COL5A2: variants seen among roughly 807,000 people sequenced by gnomAD.
The protein encoded by COL5A2 is collagen alpha-2(V) chain.
In COL5A2, 23 loss-of-function variants were observed where a neutral mutation model predicts 208.2. The ratio of observed to expected loss-of-function variants is 0.11; its 90% CI spans 0.08 to 0.16. COL5A2 has a LOEUF of 0.16. COL5A2 is among the 10% of genes least tolerant of loss of function. COL5A2 has a pLI of 1.00. For synonymous variants in COL5A2, 625 were observed against 628.5 expected (o/e 0.99, Z 0.08); for missense variants, 1,590 against 1,956.4 (o/e 0.81, Z 3.53).
chr2:189,382,932 G>A, the COL5A2 span, among the ~76,000 whole-genome samples: 1 of 152,142 alleles, frequency 6.6e-6, no homozygotes, highest in African/African-American at 2.4e-5. Flanking sequence ...CACAAGGACA[G>A]GGAGGAATGT....
intron 1 of COL5A2, among the ~76,000 whole-genome samples, chr2:189,196,506 T>C (rs1031273515): frequency 1.2e-4 from 17 of 146,834 alleles, no homozygotes; most frequent in African/African-American, 4.1e-4. Flanking sequence ...TTCCCTCTAT[T>C]TGTATTGCAA....
intron 29 of COL5A2, among the ~76,000 whole-genome samples, chr2:189,062,358 A>T (rs1225861520): frequency 6.6e-6 from 1 of 151,716 alleles, no homozygotes; most frequent in African/African-American, 2.4e-5. Flanking sequence ...TAATTTTTGT[A>T]TTTTTAATAG....
intron 46 of COL5A2, 139 bp from the exon 47 acceptor site, chr2:189,045,371 C>A: frequency 1.6e-6 from 1 of 615,558 alleles, no homozygotes; most frequent in South Asian, 2.2e-5. Flanking sequence ...TGTGCATACT[C>A]TTATGATTAA....
chr2:189,385,055 A>G, the COL5A2 span, among the ~76,000 whole-genome samples: 1 of 152,128 alleles, frequency 6.6e-6, no homozygotes, highest in Non-Finnish European at 1.5e-5. Context: ...AAGGCTTTTC[A>G]GTGTCTATTC....
At chr2:189,086,596 G>T in intron 9 of COL5A2, 130 bp downstream of exon 9, 1 of 678,790 alleles carries the variant, frequency 1.5e-6, no homozygotes. Context: ...AATATATCCT[G>T]TTTGAAGTGA....
intron 1 of COL5A2, among the ~76,000 whole-genome samples, chr2:189,207,724 A>C (rs1689159036): frequency 6.6e-6 from 1 of 152,156 alleles, no homozygotes; most frequent in African/African-American, 2.4e-5. Flanking sequence ...TAGCAGAGCA[A>C]TCACTCTACT....
At chr2:189,362,801 A>T in the COL5A2 span, among the ~76,000 whole-genome samples, 7 of 152,142 alleles carry the variant, frequency 4.6e-5, no homozygotes, top group African/African-American at 1.7e-4. Context: ...AATAGAGAAG[A>T]CAGTCCTTTG....
chr2:189,162,689 T>G (rs1198726797), intron 1 of COL5A2, among the ~76,000 whole-genome samples: 2 of 152,180 alleles, frequency 1.3e-5, no homozygotes, highest in African/African-American at 4.8e-5. Context: ...ATTATCAGAT[T>G]TTTAATCTGA....
chr2:189,325,138 A>T, the COL5A2 span, among the ~76,000 whole-genome samples: 1 of 150,080 alleles, frequency 6.7e-6, no homozygotes. Flanking sequence ...GGACACGGGA[A>T]GGGGAACATC....
At chr2:189,311,770 C>T in the COL5A2 span, 4 of 831,420 alleles carry the variant, frequency 4.8e-6, no homozygotes, top group Non-Finnish European at 8.3e-6. Flanking sequence ...TCGGTTCTTC[C>T]AAGCCAGCTC....
At chr2:189,424,230 T>G in the COL5A2 span, among the ~76,000 whole-genome samples, 1 of 152,172 alleles carries the variant, frequency 6.6e-6, no homozygotes, top group Non-Finnish European at 1.5e-5. Flanking sequence ...TAACAGAATA[T>G]TCAATGGGGA....
upstream of COL5A2, among the ~76,000 whole-genome samples, chr2:189,229,859 C>T (rs553536195): frequency 4.0e-5 from 6 of 151,550 alleles, no homozygotes; most frequent in South Asian, 1.0e-3. Flanking sequence ...CACAAAGACC[C>T]CAACTGGCCA....
Position 189,036,598 on chromosome 2 carries a change from G to C in COL5A2, c.4113+18C>G, listed in dbSNP as rs763324393. 4 of 1,583,112 alleles carry C rather than the reference G, an allele frequency of 2.5e-6. No individual in the cohort carries two copies. Among genetic ancestry groups the C allele is most frequent in the Non-Finnish European group, 3.5e-6 (4 of 1,153,496 alleles). ...TAAAAAGTAAAGAATACAATTTTAAGTAAACATATTAAATTACCTGAGACC... is the reference window on the plus strand; with the variant it reads ...TAAAAAGTAAAGAATACAATTTTAACTAAACATATTAAATTACCTGAGACC... On this transcript the variant is annotated intron_variant, in intron 52 of 53. Coordinates refer to ENST00000374866, the MANE Select transcript of COL5A2 (RefSeq NM_000393.5).
chr2:189,429,042 C>A, the COL5A2 span, among the ~76,000 whole-genome samples: 3 of 152,086 alleles, frequency 2.0e-5, no homozygotes, highest in Non-Finnish European at 4.4e-5. Flanking sequence ...GGCTATTGTA[C>A]AGCATAGGGA....
At chr2:189,252,995 A>G in the COL5A2 span, among the ~76,000 whole-genome samples, 1 of 152,214 alleles carries the variant, frequency 6.6e-6, no homozygotes, top group Non-Finnish European at 1.5e-5. Context: ...ACAACTGAAC[A>G]TTGTTATAAC....
At chr2:189,279,948 T>C in the COL5A2 span, among the ~76,000 whole-genome samples, 4 of 152,054 alleles carry the variant, frequency 2.6e-5, no homozygotes, top group Non-Finnish European at 5.9e-5. Context: ...GGTCATTAGG[T>C]CATGAGGGTG....
intron 1 of COL5A2, among the ~76,000 whole-genome samples, chr2:189,175,034 T>C (rs748341849): frequency 1.3e-5 from 2 of 152,226 alleles, no homozygotes; most frequent in Non-Finnish European, 2.9e-5. Flanking sequence ...CTATATTTTG[T>C]CCATTGAAAC....
chr2:189,214,746 C>A (rs1190357652), intron 1 of COL5A2, among the ~76,000 whole-genome samples: 2 of 152,106 alleles, frequency 1.3e-5, no homozygotes, highest in Non-Finnish European at 2.9e-5. Context: ...GACTAACCAA[C>A]CAATGTGACT....
the COL5A2 span, among the ~76,000 whole-genome samples, chr2:189,438,264 T>C: frequency 3.3e-5 from 5 of 151,750 alleles, no homozygotes; most frequent in South Asian, 2.1e-4. Flanking sequence ...ACATTACTTA[T>C]GGAAATGCAA....
Sources: gnomAD v4.1 joint callset for allele counts (sites outside exome capture counted in the v4.1 genomes callset) on GRCh38, gnomAD v4.1.1 for gene constraint, MANE v1.5 for transcripts, NCBI Gene and HGNC (gene_info 2026-07-23, HGNC 2026-07-21) for gene names.